PTPRT: variants seen among roughly 807,000 people sequenced by gnomAD.
PTPRT encodes protein tyrosine phosphatase receptor type T.
In PTPRT, 56 loss-of-function variants were observed where a neutral mutation model predicts 176.8. The observed-to-expected ratio is 0.32, with a 90% confidence interval of 0.26 to 0.40. The LOEUF (loss-of-function observed/expected upper bound fraction) is 0.40, where lower values mean the gene tolerates loss of function less well. PTPRT is among the 10% of genes least tolerant of loss of function. PTPRT has a pLI of 1.00. For missense variants in PTPRT, 1,540 were observed against 1,908.2 expected, an observed-to-expected ratio of 0.81 and a Z score of 3.60; for synonymous variants, 783 against 739.0, an observed-to-expected ratio of 1.06 and a Z score of -0.96.
At chr20:42,855,867 G>A (rs908417224) in intron 2 of PTPRT, among the ~76,000 whole-genome samples, 10 of 152,110 alleles carry the variant, frequency 6.6e-5, no homozygotes, top group African/African-American at 2.4e-4. Flanking sequence ...CTTGGAGCTC[G>A]TTTTTCCCAT....
intron 1 of PTPRT, among the ~76,000 whole-genome samples, chr20:43,008,279 C>T (rs1250104402): frequency 6.6e-6 from 1 of 152,096 alleles, no homozygotes; most frequent in African/African-American, 2.4e-5. Context: ...CAGAAAGATC[C>T]CTTGCCCCTT....
At chr20:42,824,583 T>G (rs971383294) in intron 2 of PTPRT, among the ~76,000 whole-genome samples, 2 of 152,058 alleles carry the variant, frequency 1.3e-5, no homozygotes, top group Admixed American at 6.6e-5. Context: ...ACAATGGACT[T>G]AGATTCTATT....
intron 7 of PTPRT, among the ~76,000 whole-genome samples, chr20:42,523,723 T>A (rs1459769758): frequency 6.6e-6 from 1 of 152,204 alleles, no homozygotes; most frequent in Non-Finnish European, 1.5e-5. Context: ...TTATTCTATA[T>A]TTTTACTTCA....
At chr20:42,254,155 G>A (rs2056596612) in intron 13 of PTPRT, among the ~76,000 whole-genome samples, 1 of 152,120 alleles carries the variant, frequency 6.6e-6, no homozygotes, top group Admixed American at 6.5e-5. Flanking sequence ...AAGGATTACT[G>A]AGACCTAACA....
chr20:42,648,133 TG>T (rs1340856565), intron 7 of PTPRT, among the ~76,000 whole-genome samples: 1 of 152,144 alleles, frequency 6.6e-6, no homozygotes, highest in East Asian at 1.9e-4. Flanking sequence ...CTAAAGACCC[TG>T]GGCCTTGGGG....
intron 8 of PTPRT, among the ~76,000 whole-genome samples, chr20:42,463,098 T>C (rs940520505): frequency 6.6e-6 from 1 of 152,184 alleles, no homozygotes; most frequent in Admixed American, 6.5e-5. Flanking sequence ...TAAGAGGCTC[T>C]TTCCACCCAC....
intron 7 of PTPRT, among the ~76,000 whole-genome samples, chr20:42,590,635 C>T (rs1369704724): frequency 6.6e-6 from 1 of 152,092 alleles, no homozygotes; most frequent in Non-Finnish European, 1.5e-5. Flanking sequence ...ATCAGGGAAG[C>T]ATCCTCAGAG....
intron 1 of PTPRT, among the ~76,000 whole-genome samples, chr20:42,980,487 A>G (rs1983212050): frequency 6.6e-6 from 1 of 152,254 alleles, no homozygotes; most frequent in Admixed American, 6.5e-5. Context: ...GCAATTTTAT[A>G]GAATTCATCA....
At chr20:43,019,227 C>T (rs551655738) in intron 1 of PTPRT, among the ~76,000 whole-genome samples, 10 of 152,200 alleles carry the variant, frequency 6.6e-5, no homozygotes, top group Non-Finnish European at 1.0e-4. Context: ...ATACTCAGAT[C>T]GCTGGTAAAA....
chr20:42,129,419 C>T (rs1988021515), intron 18 of PTPRT, among the ~76,000 whole-genome samples: 1 of 152,212 alleles, frequency 6.6e-6, no homozygotes, highest in African/African-American at 2.4e-5. Context: ...CAAACACTAT[C>T]TAGACATAAA....
intron 6 of PTPRT, chr20:42,686,401 T>A (rs2075691704): frequency 6.7e-6 from 1 of 149,334 alleles, no homozygotes. Context: ...TTTTAGATGG[T>A]CCTGGGTGGG....
At chr20:42,149,415 G>A (rs1989023897) in intron 17 of PTPRT, among the ~76,000 whole-genome samples, 1 of 87,996 alleles carries the variant, frequency 1.1e-5, no homozygotes, top group Non-Finnish European at 2.2e-5. Flanking sequence ...CAATGGGAAA[G>A]TTTTGGATTT....
chr20:42,813,920 T>A (rs1453959414), intron 2 of PTPRT, among the ~76,000 whole-genome samples: 1 of 152,180 alleles, frequency 6.6e-6, no homozygotes, highest in Non-Finnish European at 1.5e-5. Context: ...AAGATTTTGC[T>A]ACCATTAGAG....
chr20:42,111,424 C>G (rs1024138659), intron 22 of PTPRT, among the ~76,000 whole-genome samples: 23 of 152,316 alleles, frequency 1.5e-4, no homozygotes, highest in African/African-American at 5.3e-4. Flanking sequence ...TGGAACAGCT[C>G]ATGGCCTTGT....
intron 13 of PTPRT, among the ~76,000 whole-genome samples, chr20:42,256,534 C>G (rs201701294): frequency 6.6e-6 from 1 of 151,586 alleles, no homozygotes; most frequent in African/African-American, 2.4e-5. Context: ...ATACTTTACG[C>G]TAGTGTGATG....
chr20:42,200,694 G>A (rs746415875), intron 15 of PTPRT, among the ~76,000 whole-genome samples: 10 of 152,144 alleles, frequency 6.6e-5, no homozygotes, highest in Non-Finnish European at 1.3e-4. Flanking sequence ...TTTCGAAAAA[G>A]CGAACATGGT....
At chr20:42,202,094 A>G (rs1258662860) in intron 15 of PTPRT, among the ~76,000 whole-genome samples, 1 of 151,998 alleles carries the variant, frequency 6.6e-6, no homozygotes, top group Non-Finnish European at 1.5e-5. Flanking sequence ...CTCAGCCTCC[A>G]GAGTAGCTGG....
chr20:42,983,296 T>C (rs530868236), intron 1 of PTPRT, among the ~76,000 whole-genome samples: 1 of 152,262 alleles, frequency 6.6e-6, no homozygotes, highest in Admixed American at 6.5e-5. Context: ...AGGTTGGAAA[T>C]AACAATGAAA....
Position 42,078,771 on chromosome 20 carries a change from GCACATATGGAT to G in PTPRT, c.*2097_*2107del, listed in dbSNP as rs1983025600. The G allele has an allele frequency of 1.7e-5, 3 of 176,344 alleles. No homozygotes were observed. The East Asian group carries it at 2.9e-4, about 17-fold the overall frequency. The allele number at this position is 176,344 out of a possible 1,614,324, so 10.9% of individuals were successfully genotyped here. On this transcript the variant is annotated 3_prime_UTR_variant, in exon 31 of 31. Coordinates refer to ENST00000373187, the MANE Select transcript of PTPRT (RefSeq NM_007050.6). ...TGCCTTTTCACATTTCTTTGCCATT[GCACATATGGAT>G]CCCTTTGCCTGAGTTTCCTTTTTTT...
Sources: allele counts gnomAD v4.1 joint callset (sites outside exome capture counted in the v4.1 genomes callset), GRCh38; gene constraint gnomAD v4.1.1; transcripts MANE v1.5; gene names NCBI Gene and HGNC (gene_info 2026-07-23, HGNC 2026-07-21).